SH3RF3: variants seen among roughly 807,000 people sequenced by gnomAD.
SH3RF3 encodes the protein SH3 domain containing ring finger 3, also known as E3 ubiquitin-protein ligase SH3RF3.
A neutral mutation model predicts 66.3 loss-of-function variants in SH3RF3; 29 were observed. That is an observed-to-expected ratio of 0.44 (90% CI 0.33 to 0.60). The LOEUF is 0.60. SH3RF3 is among the 20% of genes least tolerant of loss of function. The probability of loss-of-function intolerance (pLI) is 0.04; values close to 1 mark genes in which losing one functional copy is unlikely to be tolerated. For synonymous variants in SH3RF3, 583 were observed against 532.0 expected, an observed-to-expected ratio of 1.10 and a Z score of -1.32; for missense variants, 1,194 against 1,190.9, an observed-to-expected ratio of 1.00 and a Z score of -0.04.
intron 1 of SH3RF3, among the ~76,000 whole-genome samples, chr2:109,256,528 A>T (rs62151314): frequency 1.2e-3 from 181 of 151,908 alleles, no homozygotes; most frequent in South Asian, 2.1e-3. Flanking sequence ...GGTTCAGTCC[A>T]CTCCTGGAGC....
intron 3 of SH3RF3, among the ~76,000 whole-genome samples, chr2:109,394,724 C>T (rs1676093705): frequency 6.6e-6 from 1 of 152,212 alleles, no homozygotes; most frequent in Admixed American, 6.5e-5. Context: ...GCAGATAGAG[C>T]CACTGGAGTC....
intron 1 of SH3RF3, among the ~76,000 whole-genome samples, chr2:109,164,433 C>T (rs1677566690): frequency 6.6e-6 from 1 of 152,220 alleles, no homozygotes; most frequent in Non-Finnish European, 1.5e-5. Context: ...GTTCTCCTGC[C>T]TCAGCTTCCT....
chr2:109,306,143 A>G (rs1681591884), intron 1 of SH3RF3, among the ~76,000 whole-genome samples: 2 of 152,188 alleles, frequency 1.3e-5, no homozygotes, highest in Non-Finnish European at 2.9e-5. Context: ...AGCAGATAAC[A>G]TTGTCAACAC....
chr2:109,439,681 T>C (rs967587597), intron 7 of SH3RF3, among the ~76,000 whole-genome samples: 2 of 152,252 alleles, frequency 1.3e-5, no homozygotes, highest in African/African-American at 4.8e-5. Flanking sequence ...TGCACACTCC[T>C]GTCTGTGCTT....
chr2:109,500,962 A>T (rs1679370140), intron 9 of SH3RF3, among the ~76,000 whole-genome samples: 1 of 152,186 alleles, frequency 6.6e-6, no homozygotes, highest in South Asian at 2.1e-4. Flanking sequence ...AAAAATAAGG[A>T]CAATTTACAT....
intron 7 of SH3RF3, among the ~76,000 whole-genome samples, chr2:109,442,231 A>G (rs1677587596): frequency 6.6e-6 from 1 of 151,924 alleles, no homozygotes; most frequent in Admixed American, 6.6e-5. Flanking sequence ...GAATGACATG[A>G]ACCTGGGAGG....
intron 1 of SH3RF3, among the ~76,000 whole-genome samples, chr2:109,314,190 G>A (rs984097305): frequency 2.0e-5 from 3 of 152,166 alleles, no homozygotes; most frequent in Non-Finnish European, 2.9e-5. Flanking sequence ...GCGGGTGGGT[G>A]TCCAGAGATG....
At chr2:109,233,303 C>T (rs1401491811) in intron 1 of SH3RF3, among the ~76,000 whole-genome samples, 1 of 152,138 alleles carries the variant, frequency 6.6e-6, no homozygotes, top group African/African-American at 2.4e-5. Flanking sequence ...GGAGGTGGCT[C>T]TCAGTGGGTT....
At chr2:109,287,319 C>T (rs796474772) in intron 1 of SH3RF3, among the ~76,000 whole-genome samples, 8 of 152,206 alleles carry the variant, frequency 5.3e-5, no homozygotes, top group African/African-American at 9.6e-5. Context: ...GGTGGAGAGG[C>T]GATACCAGTG....
chr2:109,344,363 A>G (rs1682632586), intron 1 of SH3RF3, among the ~76,000 whole-genome samples: 1 of 152,050 alleles, frequency 6.6e-6, no homozygotes, highest in South Asian at 2.1e-4. Context: ...GGGCAGAGGA[A>G]GTAGCATGGA....
At chr2:109,264,158 C>G (rs923362230) in intron 1 of SH3RF3, among the ~76,000 whole-genome samples, 2 of 151,866 alleles carry the variant, frequency 1.3e-5, no homozygotes, top group African/African-American at 4.8e-5. Flanking sequence ...TGCCCCCCAT[C>G]CACCTCCCCA....
At chr2:109,134,491 A>C (rs896465539) in intron 1 of SH3RF3, among the ~76,000 whole-genome samples, 1 of 152,192 alleles carries the variant, frequency 6.6e-6, no homozygotes, top group Non-Finnish European at 1.5e-5. Flanking sequence ...CTAAATTATT[A>C]TTTATTGAGC....
At chr2:109,163,111 C>G (rs908046765) in intron 1 of SH3RF3, among the ~76,000 whole-genome samples, 19 of 152,204 alleles carry the variant, frequency 1.2e-4, no homozygotes, top group Non-Finnish European at 2.5e-4. Context: ...ACCTTGGCAG[C>G]TTTTCCACAG....
At chr2:109,200,869 T>C (rs907376046) in intron 1 of SH3RF3, among the ~76,000 whole-genome samples, 2 of 152,204 alleles carry the variant, frequency 1.3e-5, no homozygotes, top group African/African-American at 4.8e-5. Flanking sequence ...CAGCCTGTCA[T>C]GGGGTTTCCT....
At chr2:109,425,570 T>C (rs1020548331) in intron 5 of SH3RF3, among the ~76,000 whole-genome samples, 2 of 152,210 alleles carry the variant, frequency 1.3e-5, no homozygotes, top group African/African-American at 2.4e-5. Flanking sequence ...CCTAGGGCTC[T>C]TAAGAATTAT....
intron 1 of SH3RF3, among the ~76,000 whole-genome samples, chr2:109,291,667 T>C (rs1323388509): frequency 6.6e-6 from 1 of 152,116 alleles, no homozygotes; most frequent in African/African-American, 2.4e-5. Context: ...TCCAGTGGGG[T>C]GTGAGATCCT....
chr2:109,242,862 T>C (rs1030376237), intron 1 of SH3RF3, among the ~76,000 whole-genome samples: 1 of 152,194 alleles, frequency 6.6e-6, no homozygotes, highest in East Asian at 1.9e-4. Flanking sequence ...CTGCTTCAGA[T>C]TATCTATTCT....
At chr2:109,130,912 C>T (rs946415901) in intron 1 of SH3RF3, among the ~76,000 whole-genome samples, 3 of 152,068 alleles carry the variant, frequency 2.0e-5, no homozygotes, top group Non-Finnish European at 2.9e-5. Context: ...ACCTTGTGAA[C>T]AGTTACCAGG....
intron 1 of SH3RF3, among the ~76,000 whole-genome samples, chr2:109,319,852 T>G (rs895974700): frequency 6.6e-6 from 1 of 152,074 alleles, no homozygotes; most frequent in East Asian, 1.9e-4. Flanking sequence ...AGAGAGCCAG[T>G]AGGAGTATCA....
Sources: gnomAD v4.1 joint callset for allele counts (sites outside exome capture counted in the v4.1 genomes callset) on GRCh38, gnomAD v4.1.1 for gene constraint, MANE v1.5 for transcripts, NCBI Gene and HGNC (gene_info 2026-07-23, HGNC 2026-07-21) for gene names.